The following ANKRD30A variants were observed in gnomAD, a reference collection of about 807,000 sequenced individuals.
ANKRD30A encodes ankyrin repeat domain 30A.
ANKRD30A carries 170 observed loss-of-function variants against 166.3 expected under a neutral mutation model. The observed-to-expected ratio is 1.02, with a 90% CI of 0.90 to 1.16. The LOEUF is 1.16. ANKRD30A is among the 50% of genes most tolerant of loss of function. ANKRD30A has a pLI of 0.00. For missense variants in ANKRD30A, 1,630 were observed against 1,518.0 expected, an observed-to-expected ratio of 1.07 and a Z score of -1.23; for synonymous variants, 564 against 508.9, an observed-to-expected ratio of 1.11 and a Z score of -1.46.
chr10:37,199,024 TA>T (rs1382047163), intron 29 of ANKRD30A, among the ~76,000 whole-genome samples: 4 of 152,118 alleles, frequency 2.6e-5, no homozygotes. Context: ...TTAAGGCAAT[TA>T]TTTTTTCCTA....
At chr10:37,144,767 A>G (rs1399675966) in intron 7 of ANKRD30A, among the ~76,000 whole-genome samples, 2 of 150,780 alleles carry the variant, frequency 1.3e-5, no homozygotes, top group South Asian at 2.1e-4. Flanking sequence ...AAATTAATCA[A>G]ATTTTTAATT....
intron 34 of ANKRD30A, among the ~76,000 whole-genome samples, chr10:37,225,175 TATCA>T (rs1428119508): frequency 5.3e-5 from 8 of 151,442 alleles, no homozygotes; most frequent in Admixed American, 4.6e-4. Flanking sequence ...ATGGTTATAA[TATCA>T]ATCCTTTATC....
At chr10:37,198,906 A>T (rs1051795406) in intron 29 of ANKRD30A, among the ~76,000 whole-genome samples, 1 of 152,094 alleles carries the variant, frequency 6.6e-6, no homozygotes, top group African/African-American at 2.4e-5. Context: ...AAGAAACTTC[A>T]ACGTTATTTT....
At position 37,223,232 on chromosome 10, in the gene ANKRD30A, A is replaced by T. The variant is rs138918627; in HGVS notation, c.4185+3335A>T. Among the ~76,000 whole-genome samples, 680 of 151,440 alleles carry T rather than the reference A, an allele frequency of 4.5e-3. 1 individual carries two copies. The highest frequency in any genetic ancestry group is 0.01 in the Middle Eastern group (3 of 294). On this transcript the variant is annotated intron_variant, in intron 34 of 35. Transcript: ENST00000361713. The stretch of plus-strand genomic sequence containing the variant: ...TTTACAGTGGCATTACGTCTTGATA[A>T]ACCCATTATAAGTTGAGAATATTGA...
chr10:37,245,632 G>A, the ANKRD30A span, among the ~76,000 whole-genome samples: 1 of 151,886 alleles, frequency 6.6e-6, no homozygotes, highest in South Asian at 2.1e-4. Context: ...TAGGACCACA[G>A]ACATTTATGA....
chr10:37,152,086 C>G lies in ANKRD30A; in HGVS notation c.1672C>G (p.Gln558Glu), dbSNP rs757368299. 65 of 1,609,384 alleles carry G rather than the reference C, an allele frequency of 4.0e-5. No individual in the cohort carries two copies. Among genetic ancestry groups the G allele is most frequent in the Non-Finnish European group, 5.2e-5 (61 of 1,177,256 alleles). ...ADPMFPPESK[Q>E]KDYEENSWDS... The stretch of plus-strand genomic sequence containing the variant: ...TCCGATGTTCCCACCAGAATCCAAA[C>G]AAAAGGACTATGAAGAAAATTCTTG... Residue 558 changes from glutamine (Q) to glutamate (E), a missense_variant, in exon 12 of 36, where the codon CAA (glutamine) becomes GAA (glutamate). By Grantham distance (29) the Gln-to-Glu change is conservative. Around this residue, in one of 4 missense-constraint regions of ANKRD30A, gnomAD observed 904 missense variants for 818.5 expected, o/e 1.10. Transcript: ENST00000361713.
chr10:37,142,449 G>A (rs1837210978), intron 7 of ANKRD30A, among the ~76,000 whole-genome samples, 159 bp downstream of exon 7: 1 of 151,790 alleles, frequency 6.6e-6, no homozygotes, highest in South Asian at 2.1e-4. Context: ...CTCTTATTCT[G>A]TAGGTCCTGG....
At chr10:37,198,730 G>A (rs1053756852) in intron 29 of ANKRD30A, among the ~76,000 whole-genome samples, 3 of 152,084 alleles carry the variant, frequency 2.0e-5, no homozygotes, top group African/African-American at 7.2e-5. Context: ...TAGCTATGCT[G>A]TGATCACAAG....
intron 6 of ANKRD30A, among the ~76,000 whole-genome samples, chr10:37,140,133 G>T (rs1049669390): frequency 6.6e-5 from 10 of 152,090 alleles, no homozygotes; most frequent in Non-Finnish European, 1.5e-5. Flanking sequence ...TATACATAAA[G>T]ATCTTAATTC....
intron 32 of ANKRD30A, 135 bp downstream of exon 32, chr10:37,216,529 C>A (rs1842618251): frequency 1.3e-6 from 1 of 755,442 alleles, no homozygotes; most frequent in Admixed American, 3.5e-5. Context: ...GTGTCAAATT[C>A]TTTAAATAAT....
At chr10:37,218,205 A>G (rs1471406366) in intron 33 of ANKRD30A, among the ~76,000 whole-genome samples, 2 of 150,946 alleles carry the variant, frequency 1.3e-5, no homozygotes, top group Non-Finnish European at 1.5e-5. Context: ...AACATTATCA[A>G]GAGGAAGCAA....
chr10:37,197,351 A>C, intron 28 of ANKRD30A, 42 bp downstream of exon 28: 3 of 1,612,992 alleles, frequency 1.9e-6, no homozygotes, highest in Non-Finnish European at 2.5e-6. Flanking sequence ...CTTATTAACT[A>C]TGTATTTTGT....
chr10:37,236,003 C>G (rs560400271), downstream of ANKRD30A, among the ~76,000 whole-genome samples: 1 of 152,008 alleles, frequency 6.6e-6, no homozygotes, highest in Non-Finnish European at 1.5e-5. Flanking sequence ...CTCCTGACCT[C>G]GTGATCTGCC....
chr10:37,197,859 A>T (rs1324277535), intron 29 of ANKRD30A, among the ~76,000 whole-genome samples: 2 of 152,006 alleles, frequency 1.3e-5, no homozygotes, highest in African/African-American at 4.8e-5. Flanking sequence ...TACTGATATA[A>T]CACTCGTGTT....
chr10:37,159,872 T>G (rs939530705), intron 15 of ANKRD30A, among the ~76,000 whole-genome samples: 1 of 152,208 alleles, frequency 6.6e-6, no homozygotes, highest in Middle Eastern at 3.4e-3. Context: ...TGTTTTGTGT[T>G]TTTAGTAGAG....
intron 31 of ANKRD30A, among the ~76,000 whole-genome samples, chr10:37,202,960 C>A (rs1471258321): frequency 6.6e-6 from 1 of 152,120 alleles, no homozygotes; most frequent in Non-Finnish European, 1.5e-5. Context: ...CCGAATAGAC[C>A]AATAACAGGC....
chr10:37,257,034 T>C, the ANKRD30A span, among the ~76,000 whole-genome samples: 1 of 152,198 alleles, frequency 6.6e-6, no homozygotes, highest in African/African-American at 2.4e-5. Flanking sequence ...GGCTTTTTTT[T>C]TGGTTGGTAG....
intron 1 of ANKRD30A, among the ~76,000 whole-genome samples, chr10:37,128,475 C>T (rs1350878505): frequency 1.3e-5 from 2 of 151,758 alleles, no homozygotes; most frequent in East Asian, 3.9e-4. Flanking sequence ...TTTTATTAGA[C>T]ACATATTTTT....
At chr10:37,159,500 G>A (rs1038634626) in intron 15 of ANKRD30A, among the ~76,000 whole-genome samples, 4 of 152,014 alleles carry the variant, frequency 2.6e-5, no homozygotes, top group African/African-American at 9.7e-5. Context: ...GTGACAGAGT[G>A]AGACTCCATC....
Sources: allele counts gnomAD v4.1 joint callset (sites outside exome capture counted in the v4.1 genomes callset), GRCh38; gene constraint gnomAD v4.1.1; regional missense constraint gnomAD v4.1.1; transcripts MANE v1.5; gene names NCBI Gene and HGNC (gene_info 2026-07-23, HGNC 2026-07-21).